The following DLG2 variants were observed in gnomAD, a reference collection of about 807,000 sequenced individuals.
The protein encoded by DLG2 is discs large MAGUK scaffold protein 2.
In DLG2, 45 loss-of-function variants were observed where a neutral mutation model predicts 132.5. The ratio of observed to expected loss-of-function variants is 0.34; its 90% CI spans 0.27 to 0.44. DLG2 has a LOEUF of 0.44. Ranked by LOEUF, DLG2 falls within the 20% of genes least tolerant of loss-of-function variation. DLG2 has a pLI of 1.00. For synonymous variants in DLG2, 424 were observed against 419.6 expected (o/e 1.01, Z -0.13); for missense variants, 1,045 against 1,196.9 (o/e 0.87, Z 1.87).
chr11:84,654,346 C>T (rs572870266), intron 6 of DLG2, among the ~76,000 whole-genome samples: 2 of 152,280 alleles, frequency 1.3e-5, no homozygotes, highest in Non-Finnish European at 2.9e-5. Context: ...AAATGCCCTA[C>T]ATCATCTAAA....
intron 6 of DLG2, among the ~76,000 whole-genome samples, chr11:84,739,479 A>G (rs1039247167): frequency 9.2e-5 from 14 of 152,196 alleles, no homozygotes; most frequent in African/African-American, 3.4e-4. Context: ...TCAGACAACT[A>G]CTGTGTTCAC....
intron 6 of DLG2, among the ~76,000 whole-genome samples, chr11:84,798,545 C>T (rs1014872690): frequency 6.6e-6 from 1 of 152,176 alleles, no homozygotes; most frequent in Non-Finnish European, 1.5e-5. Context: ...AGGATGCTGT[C>T]AGATCTGAGA....
At chr11:83,528,904 C>T (rs2095670909) in intron 21 of DLG2, among the ~76,000 whole-genome samples, 1 of 152,100 alleles carries the variant, frequency 6.6e-6, no homozygotes, top group African/African-American at 2.4e-5. Flanking sequence ...AAAAGTAACT[C>T]AAGCACTGAC....
At chr11:84,488,606 G>T (rs1447865526) in intron 7 of DLG2, among the ~76,000 whole-genome samples, 1 of 152,036 alleles carries the variant, frequency 6.6e-6, no homozygotes, top group Non-Finnish European at 1.5e-5. Context: ...AAGGACACTT[G>T]CAAGACAGCT....
At chr11:85,527,227 G>A (rs917459912) in intron 3 of DLG2, among the ~76,000 whole-genome samples, 3 of 149,446 alleles carry the variant, frequency 2.0e-5, no homozygotes, top group African/African-American at 4.9e-5. Flanking sequence ...TGTGCCAAAT[G>A]TGTGGGTTTG....
intron 6 of DLG2, among the ~76,000 whole-genome samples, chr11:84,902,059 A>G (rs76709515): frequency 0.012 from 1,792 of 152,206 alleles, 35 homozygotes; most frequent in African/African-American, 0.04. Flanking sequence ...AAAAAAAACT[A>G]TGTACAAATG....
At chr11:84,487,288 T>C (rs2099153524) in intron 7 of DLG2, among the ~76,000 whole-genome samples, 3 of 152,128 alleles carry the variant, frequency 2.0e-5, no homozygotes, top group African/African-American at 4.8e-5. Flanking sequence ...TCAGTGTTTA[T>C]AAAATTATCA....
chr11:84,969,254 T>G (rs1265784622), intron 6 of DLG2, among the ~76,000 whole-genome samples: 2 of 152,180 alleles, frequency 1.3e-5, no homozygotes, highest in Admixed American at 1.3e-4. Context: ...CAGCCTCTGA[T>G]GCAGTATCTA....
intron 9 of DLG2, among the ~76,000 whole-genome samples, chr11:84,156,479 G>A (rs1161648377): frequency 6.6e-6 from 1 of 152,104 alleles, no homozygotes; most frequent in Non-Finnish European, 1.5e-5. Flanking sequence ...TACCTTATTT[G>A]ACTCTCATAT....
intron 2 of DLG2, among the ~76,000 whole-genome samples, chr11:85,611,751 C>T (rs970034377): frequency 2.0e-5 from 3 of 152,230 alleles, no homozygotes; most frequent in Non-Finnish European, 4.4e-5. Flanking sequence ...AAGGGAGTTC[C>T]TAACCTCTGG....
At chr11:84,640,086 G>T in intron 6 of DLG2, 1 of 311,816 alleles carries the variant, frequency 3.2e-6, no homozygotes, top group East Asian at 9.3e-5. Context: ...GGGCCCCAGA[G>T]GAACCCTGTG....
chr11:83,898,681 A>G (rs1407952437), intron 15 of DLG2, among the ~76,000 whole-genome samples: 1 of 152,168 alleles, frequency 6.6e-6, no homozygotes, highest in Non-Finnish European at 1.5e-5. Flanking sequence ...CAATTGCTCC[A>G]ACTACCTCTA....
chr11:84,943,852 T>A (rs1425241425), intron 6 of DLG2, among the ~76,000 whole-genome samples: 3 of 152,242 alleles, frequency 2.0e-5, no homozygotes, highest in African/African-American at 7.2e-5. Flanking sequence ...TACCTTCAGA[T>A]GATTTCTTAT....
intron 20 of DLG2, among the ~76,000 whole-genome samples, chr11:83,539,039 GC>G: frequency 6.6e-6 from 1 of 152,256 alleles, no homozygotes; most frequent in Non-Finnish European, 1.5e-5. Context: ...ACCTCTCTGT[GC>G]CTCAATCTCC....
chr11:83,769,760 T>C (rs1364693885), intron 18 of DLG2, among the ~76,000 whole-genome samples: 1 of 151,994 alleles, frequency 6.6e-6, no homozygotes, highest in Admixed American at 6.6e-5. Flanking sequence ...AGACGGGGTT[T>C]CACCATGTTG....
intron 6 of DLG2, among the ~76,000 whole-genome samples, chr11:85,083,827 A>T (rs1404087533): frequency 6.6e-6 from 1 of 152,098 alleles, no homozygotes; most frequent in Non-Finnish European, 1.5e-5. Context: ...CTCTGTTTTA[A>T]TGTTAATGCT....
chr11:85,031,923 A>G (rs1374284519), intron 6 of DLG2, among the ~76,000 whole-genome samples: 2 of 147,010 alleles, frequency 1.4e-5, no homozygotes, highest in East Asian at 2.0e-4. Context: ...GGCTGGGGCT[A>G]CAAGTGTGTA....
Position 84,833,568 on chromosome 11 carries a change from G to A in DLG2, c.357+278093C>T, listed in dbSNP as rs889854950. 2.0e-5 allele frequency among the ~76,000 whole-genome samples: 3 copies of A among 151,092 alleles called. No individual in the cohort carries two copies. The East Asian group carries it at 5.9e-4, about 30-fold the overall frequency. On this transcript the variant is annotated intron_variant, in intron 6 of 27. Coordinates refer to ENST00000376104, the MANE Select transcript of DLG2 (RefSeq NM_001142699.3). Reference sequence around the variant, plus strand: ...TTAGTATGTAATTTAGCTTCTCTGAGCCCCACTTTTATCACATTTAAAAAG... The same window carrying A: ...TTAGTATGTAATTTAGCTTCTCTGAACCCCACTTTTATCACATTTAAAAAG...
chr11:84,827,668 C>T (rs1599043706), intron 6 of DLG2, among the ~76,000 whole-genome samples: 1 of 29,208 alleles, frequency 3.4e-5, no homozygotes, highest in Admixed American at 4.8e-4. Flanking sequence ...GAACTGAGTA[C>T]ATACAGTCAA....
Sources: gnomAD v4.1 joint callset for allele counts (sites outside exome capture counted in the v4.1 genomes callset) on GRCh38, gnomAD v4.1.1 for gene constraint, MANE v1.5 for transcripts, NCBI Gene and HGNC (gene_info 2026-07-23, HGNC 2026-07-21) for gene names.